ZNF469: variants seen among roughly 807,000 people sequenced by gnomAD.
The protein encoded by ZNF469 is zinc finger protein 469.
ZNF469 carries 1 observed loss-of-function variant against 1.0 expected under a neutral mutation model. That is an observed-to-expected ratio of 1.00 (90% CI 0.35 to 4.73). The LOEUF is 4.73. Among genes scored for constraint, ZNF469 ranks in the 30% most tolerant of loss-of-function variants. The probability of loss-of-function intolerance (pLI) is 0.16; values close to 1 mark genes in which losing one functional copy is unlikely to be tolerated. For synonymous variants in ZNF469, 2,703 were observed against 2,363.4 expected (o/e 1.14, Z -4.17); for missense variants, 6,100 against 5,356.3 (o/e 1.14, Z -4.33).
At chr16:88,134,954 CAG>C in the ZNF469 span, among the ~76,000 whole-genome samples, 16 of 152,362 alleles carry the variant, frequency 1.1e-4, no homozygotes, top group South Asian at 2.7e-3. Context: ...TTCATTTCAT[CAG>C]AGTTTTCATC....
chr16:88,260,090 G>C, the ZNF469 span, among the ~76,000 whole-genome samples: 13 of 151,206 alleles, frequency 8.6e-5, no homozygotes, highest in African/African-American at 3.2e-4. This position sits in a 1 kb window ranked among gnomAD's most constrained non-coding sequence, Gnocchi z 4.1. Flanking sequence ...TGATTTTCCT[G>C]CCTCAGCCTC....
chr16:88,377,351 G>T, the ZNF469 span, among the ~76,000 whole-genome samples: 3 of 152,206 alleles, frequency 2.0e-5, no homozygotes, highest in African/African-American at 7.2e-5. Context: ...GTGGCTTCCG[G>T]CTACTCTCCC....
chr16:88,178,949 GC>G, the ZNF469 span: 1 of 141,700 alleles, frequency 7.1e-6, no homozygotes. Context: ...TTTCTGCAGA[GC>G]CACTGGGTCA....
chr16:88,283,271 C>T, the ZNF469 span, among the ~76,000 whole-genome samples: 5 of 151,280 alleles, frequency 3.3e-5, no homozygotes, highest in African/African-American at 7.3e-5. Flanking sequence ...TTGACTTGTA[C>T]GCTTGTGATG....
At chr16:88,328,344 C>T in the ZNF469 span, among the ~76,000 whole-genome samples, 1 of 152,234 alleles carries the variant, frequency 6.6e-6, no homozygotes, top group African/African-American at 2.4e-5. Context: ...ATGACGGCTC[C>T]CAGCCTGCAC....
At chr16:88,293,921 C>T in the ZNF469 span, among the ~76,000 whole-genome samples, 1,070 of 152,234 alleles carry the variant, frequency 7.0e-3, 9 homozygotes, top group African/African-American at 0.024. Context: ...GTGGGGTTCA[C>T]GTGACACAGG....
At chr16:88,164,192 G>A in the ZNF469 span, among the ~76,000 whole-genome samples, 4 of 151,780 alleles carry the variant, frequency 2.6e-5, no homozygotes, top group African/African-American at 9.7e-5. Context: ...ACGAGTGGGT[G>A]GATGGATGAA....
chr16:88,315,815 G>C, the ZNF469 span, among the ~76,000 whole-genome samples: 12 of 152,196 alleles, frequency 7.9e-5, no homozygotes, highest in Non-Finnish European at 1.5e-4. Flanking sequence ...GGAGGCCAAG[G>C]GGGTGGGAGA....
At position 88,429,118 on chromosome 16, in the gene ZNF469, T is replaced by C. The variant is rs1905927764; in HGVS notation, c.1648T>C (p.Tyr550His). ...SQGGSPALFT[Y>H]NGMTDPGAQP... ...GGGCGGCTCCCCAGCACTGTTCACCTACAACGGAATGACAGACCCTGGGGC... is the reference window on the plus strand; with the variant it reads ...GGGCGGCTCCCCAGCACTGTTCACCCACAACGGAATGACAGACCCTGGGGC... Residue 550 changes from tyrosine (Y) to histidine (H), a missense_variant, in exon 3 of 3, where the codon TAC (tyrosine) becomes CAC (histidine). By Grantham distance (83) the Tyr-to-His change is moderately conservative (BLOSUM62 2). Transcript: ENST00000565624. The C allele has an allele frequency of 6.5e-7, 1 of 1,549,882 alleles. No individual in the cohort carries two copies.
Position 88,435,290 on chromosome 16 carries a change from C to A in ZNF469, c.7820C>A (p.Ala2607Glu), listed in dbSNP as rs1166648056. 1 of 1,550,246 alleles carries A rather than the reference C, an allele frequency of 6.5e-7. No individual in the cohort carries two copies. The highest frequency in any genetic ancestry group is 8.7e-7 in the Non-Finnish European group (1 of 1,146,972). ...GAAGATGAGCTGCATCCCAAACAGG[C>A]AGAAAAAAGAGAAGGCCGGAGGTGG... ...AREDELHPKQ[A>E]EKREGRRWRR... is the part of the protein sequence containing the mutation. The change falls in exon 3 of 3, where the codon GCA (alanine) becomes GAA (glutamate). Residue 2607 changes from alanine to glutamate, a missense_variant. Coordinates refer to ENST00000565624, the MANE Select transcript of ZNF469 (RefSeq NM_001367624.2).
the ZNF469 span, among the ~76,000 whole-genome samples, chr16:88,139,363 C>T: frequency 1.3e-4 from 20 of 151,774 alleles, no homozygotes; most frequent in African/African-American, 4.6e-4. Context: ...AGGAAAATTG[C>T]TGTGAAAAGT....
At chr16:88,409,152 G>A (rs1284975243) in intron 1 of ZNF469, among the ~76,000 whole-genome samples, 5 of 152,232 alleles carry the variant, frequency 3.3e-5, no homozygotes, top group African/African-American at 1.2e-4. Flanking sequence ...GGAGTTGGGG[G>A]CTCGCCCACC....
In ZNF469 at chr16:88,435,826, G is replaced by C. The variant is rs1034749573; in HGVS notation, c.8356G>C (p.Glu2786Gln). ...CAGCAGCAGGGCCCACAGCCGATCA[G>C]AGGAAGGTGTCTGGGAGGAGAACAC... ...EDSSRAHSRS[E>Q]EGVWEENTPP... Residue 2786 changes from glutamate to glutamine, a missense_variant, in exon 3 of 3, where the codon GAG becomes CAG. By Grantham distance (29) the Glu-to-Gln change is conservative (BLOSUM62 2). Coordinates refer to ENST00000565624, the MANE Select transcript of ZNF469 (RefSeq NM_001367624.2). The C allele has an allele frequency of 5.2e-6, 8 of 1,550,532 alleles. No individual in the cohort carries two copies. Among genetic ancestry groups the C allele is most frequent in the Non-Finnish European group, 7.0e-6 (8 of 1,146,938 alleles).
Position 88,434,452 on chromosome 16 carries a change from T to C in ZNF469, c.6982T>C (p.Ser2328Pro). 5.8e-6 allele frequency: 9 copies of C among 1,549,674 alleles called. No individual in the cohort carries two copies. The highest frequency in any genetic ancestry group is 7.8e-6 in the Non-Finnish European group (9 of 1,146,898). The change falls in exon 3 of 3, where the codon TCG (serine) becomes CCG (proline). Residue 2328 changes from serine to proline, a missense_variant. Ser to Pro is a moderately conservative substitution (Grantham distance 74, BLOSUM62 -1). Coordinates refer to ENST00000565624, the MANE Select transcript of ZNF469 (RefSeq NM_001367624.2). ...NPDRMPRGHS[S>P]YSPSNTARLG... ...TGACAGGATGCCCAGGGGCCACTCC[T>C]CGTATTCTCCAAGCAATACTGCCCG...
chr16:88,203,518 A>G, the ZNF469 span, among the ~76,000 whole-genome samples: 2 of 151,998 alleles, frequency 1.3e-5, no homozygotes, highest in African/African-American at 4.8e-5. Context: ...GCGGGGGTGG[A>G]GGCAGGAGCT....
chr16:88,209,294 T>C, the ZNF469 span, among the ~76,000 whole-genome samples: 1 of 147,276 alleles, frequency 6.8e-6, no homozygotes, highest in East Asian at 1.9e-4. Flanking sequence ...TCTTTTTTCT[T>C]TTTTTTTTTC....
chr16:88,182,662 G>T, the ZNF469 span, among the ~76,000 whole-genome samples: 1 of 151,398 alleles, frequency 6.6e-6, no homozygotes, highest in Non-Finnish European at 1.5e-5. Context: ...TCCAACAAAT[G>T]GTTCTGGAAT....
the ZNF469 span, among the ~76,000 whole-genome samples, chr16:88,281,916 G>C: frequency 3.9e-5 from 6 of 152,244 alleles, no homozygotes; most frequent in African/African-American, 1.4e-4. Context: ...GTAGTGTCTG[G>C]ATATTGGTGC....
the ZNF469 span, among the ~76,000 whole-genome samples, chr16:88,109,099 G>A: frequency 3.9e-5 from 6 of 152,186 alleles, no homozygotes; most frequent in East Asian, 1.9e-4. Context: ...GGTTGTCGAC[G>A]GCTCATAGCT....
Sources: allele counts gnomAD v4.1 joint callset (sites outside exome capture counted in the v4.1 genomes callset), GRCh38; gene constraint gnomAD v4.1.1; non-coding constraint Gnocchi (gnomAD v3.1); transcripts MANE v1.5; gene names NCBI Gene and HGNC (gene_info 2026-07-23, HGNC 2026-07-21).